Variants in ULK2 observed in about 807,000 individuals in gnomAD.
ULK2 encodes the protein unc-51 like autophagy activating kinase 2, also known as serine/threonine-protein kinase ULK2.
In ULK2, 76 loss-of-function variants were observed where a neutral mutation model predicts 127.5. The ratio of observed to expected loss-of-function variants is 0.60; its 90% CI spans 0.50 to 0.72. The LOEUF is 0.72. ULK2 is among the 30% of genes least tolerant of loss of function. The probability of loss-of-function intolerance (pLI) is 0.00; values close to 1 mark genes in which losing one functional copy is unlikely to be tolerated. For synonymous variants in ULK2, 452 were observed against 461.9 expected, an observed-to-expected ratio of 0.98 and a Z score of 0.28; for missense variants, 1,144 against 1,295.9, an observed-to-expected ratio of 0.88 and a Z score of 1.80.
At chr17:19,795,801 G>T in intron 19 of ULK2, 76 bp from the exon 20 acceptor site, 2 of 1,365,746 alleles carry the variant, frequency 1.5e-6, no homozygotes, top group Non-Finnish European at 2.1e-6. Context: ...GGAAGTTAGA[G>T]AATGAGGAAA....
intron 20 of ULK2, among the ~76,000 whole-genome samples, chr17:19,790,907 G>A (rs1344086442): frequency 6.6e-6 from 1 of 152,056 alleles, no homozygotes; most frequent in East Asian, 1.9e-4. Context: ...CCATAAAAAG[G>A]GACAAAGGTC....
In ULK2 at chr17:19,775,529, C is replaced by T. The variant is rs995176282; in HGVS notation, c.*820G>A. 6.7e-6 allele frequency: 1 copy of T among 148,856 alleles called. No individual in the cohort carries two copies. Among genetic ancestry groups the T allele is most frequent in the Non-Finnish European group, 1.5e-5 (1 of 67,200 alleles). The allele number at this position is 148,856 out of a possible 1,614,324, so 9.2% of individuals were successfully genotyped here. A position where few individuals can be genotyped will look rare whatever the true frequency, so the allele number is the denominator to read the frequency against. ...AATAAAAAATGGAACCAAAAGCTAACAAAAACATTACTGAGAAAATCTGTA... is the reference window on the plus strand; with the variant it reads ...AATAAAAAATGGAACCAAAAGCTAATAAAAACATTACTGAGAAAATCTGTA... On this transcript the variant is annotated 3_prime_UTR_variant, in exon 27 of 27. Coordinates refer to ENST00000395544, the MANE Select transcript of ULK2 (RefSeq NM_014683.4).
At chr17:19,867,294 C>T (rs776213063) in intron 1 of ULK2, 34 bp downstream of exon 1, 2 of 1,515,046 alleles carry the variant, frequency 1.3e-6, no homozygotes, top group Non-Finnish European at 1.8e-6. Context: ...GTGCCTGCCG[C>T]CCGGGGCCCG....
At chr17:19,837,810 A>G (rs954271988) in intron 10 of ULK2, among the ~76,000 whole-genome samples, 2 of 152,194 alleles carry the variant, frequency 1.3e-5, no homozygotes, top group African/African-American at 4.8e-5. Flanking sequence ...CTGGGTAACG[A>G]CAAGAGTCTC....
rs751060790 is a variant in ULK2, at chr17:19,867,367, G to A, written c.51C>T (p.His17=). Residue 17 remains histidine (H), a synonymous_variant, in exon 1 of 27, where the codon CAC becomes CAT. Transcript: ENST00000395544. ...CCCGGAAGACCACGGCGAAGGCCCC[G>A]TGTCCCACGAGATCCCTCTTGCTGT... ...FEYSKRDLVG[H]GAFAVVFRGR... The A allele has an allele frequency of 3.1e-6, 5 of 1,603,092 alleles. No individual in the cohort carries two copies. In the South Asian group the frequency reaches 3.3e-5, roughly 11 times the overall value.
At chr17:19,811,432 C>T (rs923707576) in intron 13 of ULK2, among the ~76,000 whole-genome samples, 1 of 146,188 alleles carries the variant, frequency 6.8e-6, no homozygotes, top group Admixed American at 6.8e-5. Flanking sequence ...TTTCAAGTAA[C>T]TTTTTTTTTT....
intron 13 of ULK2, among the ~76,000 whole-genome samples, chr17:19,813,146 C>G (rs532137719): frequency 7.2e-5 from 11 of 152,188 alleles, no homozygotes; most frequent in African/African-American, 2.4e-4. Context: ...TTGGATGAGT[C>G]TTTTGGGGGA....
chr17:19,807,342 G>C (rs932854763), intron 14 of ULK2, among the ~76,000 whole-genome samples: 2 of 152,170 alleles, frequency 1.3e-5, no homozygotes, highest in Admixed American at 6.5e-5. Context: ...GCAATCAGAA[G>C]GGTAGAAATC....
At chr17:19,825,678 A>T (rs2041271037) in intron 11 of ULK2, among the ~76,000 whole-genome samples, 2 of 149,322 alleles carry the variant, frequency 1.3e-5, no homozygotes, top group South Asian at 4.3e-4. Flanking sequence ...TGAGTGACAG[A>T]GCAAGACTCC....
chr17:19,859,218 A>C (rs2042192718), intron 3 of ULK2, among the ~76,000 whole-genome samples: 1 of 152,148 alleles, frequency 6.6e-6, no homozygotes, highest in South Asian at 2.1e-4. Flanking sequence ...TACTGGTTAA[A>C]AAGAACTAGT....
chr17:19,790,018 C>T (rs762155953), intron 20 of ULK2, among the ~76,000 whole-genome samples: 3 of 151,200 alleles, frequency 2.0e-5, no homozygotes, highest in Non-Finnish European at 4.4e-5. Flanking sequence ...ATAGACAGTA[C>T]AATAACATAT....
chr17:19,867,793 G>C lies in ULK2; in HGVS notation c.-376C>G, dbSNP rs1411006673. On this transcript the variant is annotated 5_prime_UTR_variant, in exon 1 of 27. Coordinates refer to ENST00000395544, the MANE Select transcript of ULK2 (RefSeq NM_014683.4). ...CGGTACTCTCCATCCCCAGCTCGTC[G>C]GGCCTCCTCGGCCCTCCCCGCTCGG... 2 of 152,394 alleles carry C rather than the reference G, an allele frequency of 1.3e-5. No homozygotes were observed. Among genetic ancestry groups the C allele is most frequent in the Non-Finnish European group, 2.9e-5 (2 of 68,598 alleles). The allele number at this position is 152,394 out of a possible 1,614,324, so 9.4% of individuals were successfully genotyped here. A position where few individuals can be genotyped will look rare whatever the true frequency, so the allele number is the denominator to read the frequency against.
At chr17:19,811,411 G>C (rs2087636810) in intron 13 of ULK2, among the ~76,000 whole-genome samples, 1 of 151,742 alleles carries the variant, frequency 6.6e-6, no homozygotes, top group Admixed American at 6.6e-5. Flanking sequence ...TTAATCACGA[G>C]AGGGAAATTA....
At chr17:19,789,258 G>A (rs1361193550) in intron 20 of ULK2, among the ~76,000 whole-genome samples, 1 of 148,532 alleles carries the variant, frequency 6.7e-6, no homozygotes, top group Non-Finnish European at 1.5e-5. Flanking sequence ...CACGCCATTA[G>A]TTGTTCACCT....
At chr17:19,855,297 G>A (rs375747528) in intron 3 of ULK2, among the ~76,000 whole-genome samples, 45 of 151,218 alleles carry the variant, frequency 3.0e-4, no homozygotes, top group African/African-American at 1.0e-3. Flanking sequence ...CCAGCTACGC[G>A]GGAGGCTGAG....
chr17:19,817,225 AAC>A (rs2041012190), intron 12 of ULK2, among the ~76,000 whole-genome samples: 1 of 152,198 alleles, frequency 6.6e-6, no homozygotes, highest in South Asian at 2.1e-4. Flanking sequence ...TTATCATCAC[AAC>A]ATCCCCCGGT....
At chr17:19,821,352 T>C (rs1427819498) in intron 12 of ULK2, among the ~76,000 whole-genome samples, 2 of 152,078 alleles carry the variant, frequency 1.3e-5, no homozygotes, top group Non-Finnish European at 2.9e-5. Context: ...ACCATCTAAA[T>C]AGCATTTAAT....
intron 8 of ULK2, among the ~76,000 whole-genome samples, chr17:19,842,168 C>T (rs2041774359): frequency 6.8e-6 from 1 of 147,606 alleles, no homozygotes; most frequent in Non-Finnish European, 1.5e-5. Flanking sequence ...TTTAACCTGG[C>T]TGTGTCACTA....
chr17:19,823,854 T>G lies in ULK2; in HGVS notation c.924+1240A>C, dbSNP rs561817235. On this transcript the variant is annotated intron_variant, in intron 12 of 26. Coordinates refer to ENST00000395544, the MANE Select transcript of ULK2 (RefSeq NM_014683.4). ...TATTTGGTATGAATTTGCGGGGCTGTGTAAGAAAGGTTTGCTGCCAGTTTT... is the reference window on the plus strand; with the variant it reads ...TATTTGGTATGAATTTGCGGGGCTGGGTAAGAAAGGTTTGCTGCCAGTTTT... 1.2e-4 allele frequency among the ~76,000 whole-genome samples: 18 copies of G among 152,302 alleles called. No homozygotes were observed. In the South Asian group the frequency reaches 3.7e-3, roughly 32 times the overall value.
Sources: allele counts gnomAD v4.1 joint callset (sites outside exome capture counted in the v4.1 genomes callset), GRCh38; gene constraint gnomAD v4.1.1; transcripts MANE v1.5; gene names NCBI Gene and HGNC (gene_info 2026-07-23, HGNC 2026-07-21).